Variants in STARD10 observed in about 807,000 individuals in gnomAD.
STARD10 encodes StAR related lipid transfer domain containing 10, also known as START domain-containing protein 10.
STARD10 carries 24 observed loss-of-function variants against 36.0 expected under a neutral mutation model. The ratio of observed to expected loss-of-function variants is 0.67; its 90% CI spans 0.48 to 0.94. STARD10 has a LOEUF of 0.94. Among genes scored for constraint, STARD10 ranks in the 40% least tolerant of loss-of-function variants. The pLI is 0.00. For missense variants in STARD10, 335 were observed against 396.6 expected, an observed-to-expected ratio of 0.84 and a Z score of 1.32; for synonymous variants, 156 against 161.9, an observed-to-expected ratio of 0.96 and a Z score of 0.28.
At chr11:72,776,475 C>G (rs991185856) in intron 2 of STARD10, among the ~76,000 whole-genome samples, 4 of 152,192 alleles carry the variant, frequency 2.6e-5, no homozygotes, top group Admixed American at 2.6e-4. Flanking sequence ...GCTGGGTCTC[C>G]TCTAAGGTGC....
intron 2 of STARD10, among the ~76,000 whole-genome samples, chr11:72,769,283 C>T (rs1237865617): frequency 6.6e-6 from 1 of 152,148 alleles, no homozygotes; most frequent in African/African-American, 2.4e-5. Flanking sequence ...ATGAGGTACT[C>T]ACTGCTTATG....
rs562067537 is a variant in STARD10, at chr11:72,787,302, C to T, written c.-114+5573G>A. ...TCCTCTGATCCCTGCACCTCTGAAC[C>T]CTGGGAGCTGCCCTCTGGGCCTCGC... On this transcript the variant is annotated intron_variant, in intron 1 of 6. Transcript: ENST00000334805. 6.6e-5 allele frequency among the ~76,000 whole-genome samples: 10 copies of T among 152,270 alleles called. No individual in the cohort carries two copies. The South Asian group carries it at 2.1e-3, about 32-fold the overall frequency.
At chr11:72,757,303 A>G (rs1246929712) in intron 5 of STARD10, among the ~76,000 whole-genome samples, 1 of 152,232 alleles carries the variant, frequency 6.6e-6, no homozygotes, top group Non-Finnish European at 1.5e-5. Flanking sequence ...CACTGGACAC[A>G]ACGAGGCTTA....
rs1034921246 is a variant in STARD10, at chr11:72,759,388, A to G, written c.208-7T>C. 19 of 1,614,036 alleles carry G rather than the reference A, an allele frequency of 1.2e-5. No homozygotes were observed. The highest frequency in any genetic ancestry group is 1.5e-5 in the Non-Finnish European group (18 of 1,180,028). Reference sequence around the variant, plus strand: ...CACAGCACTCCATCCGGCACTGCAGACAAGATATATGGGTTGTCAGGATCA... The same window carrying G: ...CACAGCACTCCATCCGGCACTGCAGGCAAGATATATGGGTTGTCAGGATCA... On this transcript the variant is annotated splice_polypyrimidine_tract_variant and splice_region_variant and intron_variant, in intron 2 of 6. Transcript: ENST00000334805.
At chr11:72,780,463 C>T in intron 2 of STARD10, 1 of 437,664 alleles carries the variant, frequency 2.3e-6, no homozygotes, top group Non-Finnish European at 4.6e-6. Context: ...AAGGGAGCAG[C>T]CAGGGAGGGA....
chr11:72,755,375 A>G (rs1858630365), intron 6 of STARD10: 2 of 559,132 alleles, frequency 3.6e-6, no homozygotes, highest in South Asian at 4.1e-5. Context: ...CAGTGGCATG[A>G]TATCGGCTCA....
In STARD10 at chr11:72,759,350, T is replaced by G. The variant is rs1349042123; in HGVS notation, c.239A>C (p.Glu80Ala). ...GTCGTGTAGGACGTCGTAGAGTGTC[T>G]CGGCTGGCACATCACAGCACTCCAT... ...CRMECCDVPAETLYDVLHDIE... is the reference protein window; with the variant it reads ...CRMECCDVPAATLYDVLHDIE... Residue 80 changes from glutamate (E) to alanine (A), a missense_variant, in exon 3 of 7, where the codon GAG becomes GCG. Coordinates refer to ENST00000334805, the MANE Select transcript of STARD10 (RefSeq NM_006645.3). The G allele has an allele frequency of 5.6e-6, 9 of 1,613,858 alleles. No individual in the cohort carries two copies. Among genetic ancestry groups the G allele is most frequent in the Non-Finnish European group, 7.6e-6 (9 of 1,179,966 alleles).
At chr11:72,764,201 A>C (rs1426328313) in intron 2 of STARD10, among the ~76,000 whole-genome samples, 1 of 152,194 alleles carries the variant, frequency 6.6e-6, no homozygotes, top group Non-Finnish European at 1.5e-5. Context: ...CAGTGCTCCC[A>C]GGGCCCAGCT....
At chr11:72,761,536 C>G (rs900977773) in intron 2 of STARD10, among the ~76,000 whole-genome samples, 1 of 152,118 alleles carries the variant, frequency 6.6e-6, no homozygotes, top group Admixed American at 6.6e-5. Context: ...ACGGGCAGAT[C>G]ACTTGGGGTC....
chr11:72,757,960 C>T (rs575577704), intron 4 of STARD10, 76 bp from the exon 5 acceptor site: 23 of 1,198,916 alleles, frequency 1.9e-5, no homozygotes, highest in South Asian at 7.3e-5. Flanking sequence ...TACACAAACG[C>T]GCACGCGCAC....
In STARD10 at chr11:72,781,224, C is replaced by T. The variant is rs1270671525; in HGVS notation, c.-43G>A. ...CCAGGGCCCTGGTCCTAGTCCGGCTCTCCTGGGTCCTCCGCGGAGGCTCCG... is the reference window on the plus strand; with the variant it reads ...CCAGGGCCCTGGTCCTAGTCCGGCTTTCCTGGGTCCTCCGCGGAGGCTCCG... On this transcript the variant is annotated 5_prime_UTR_variant, in exon 2 of 7. Coordinates refer to ENST00000334805, the MANE Select transcript of STARD10 (RefSeq NM_006645.3). This position sits in a 1 kb window ranked among gnomAD's most constrained non-coding sequence, Gnocchi z 4.7. 4 of 1,555,162 alleles carry T rather than the reference C, an allele frequency of 2.6e-6. No homozygotes were observed. Among genetic ancestry groups the T allele is most frequent in the Non-Finnish European group, 3.5e-6 (4 of 1,143,776 alleles).
intron 6 of STARD10, 69 bp downstream of exon 6, chr11:72,755,632 C>T: frequency 6.4e-7 from 1 of 1,571,970 alleles, no homozygotes; most frequent in African/African-American, 1.3e-5. Flanking sequence ...GGCTTGACTC[C>T]ACCCACCTCA....
At chr11:72,767,934 C>T (rs1858812964) in intron 2 of STARD10, among the ~76,000 whole-genome samples, 1 of 152,200 alleles carries the variant, frequency 6.6e-6, no homozygotes, top group South Asian at 2.1e-4. Context: ...CTCCTCCAGC[C>T]CCAGGCCCCA....
intron 2 of STARD10, among the ~76,000 whole-genome samples, chr11:72,768,112 C>T (rs1482277221): frequency 6.6e-6 from 1 of 152,212 alleles, no homozygotes; most frequent in African/African-American, 2.4e-5. Flanking sequence ...TCTCTCACAC[C>T]CCACACAGAT....
At position 72,781,810 on chromosome 11, in the gene STARD10, G is replaced by C. The variant is rs1859002984; in HGVS notation, c.-113-516C>G. On this transcript the variant is annotated intron_variant, in intron 1 of 6. Coordinates refer to ENST00000334805, the MANE Select transcript of STARD10 (RefSeq NM_006645.3). This position sits in a 1 kb window ranked among gnomAD's most constrained non-coding sequence, Gnocchi z 4.7. ...CGGCCCCGCCCCGGGCCCCAGCCCC[G>C]CGCGCCCCTCCCGGCTAGGCTGGGG... 1 of 144,872 alleles carries C rather than the reference G, an allele frequency of 6.9e-6. No individual in the cohort carries two copies. The highest frequency in any genetic ancestry group is 2.2e-4 in the South Asian group (1 of 4,584). The allele number at this position is 144,872 out of a possible 1,614,324, so 9.0% of individuals were successfully genotyped here. A position where few individuals can be genotyped will look rare whatever the true frequency, so the allele number is the denominator to read the frequency against.
chr11:72,778,338 C>T (rs1858952516), intron 2 of STARD10, among the ~76,000 whole-genome samples: 1 of 152,210 alleles, frequency 6.6e-6, no homozygotes, highest in African/African-American at 2.4e-5. Flanking sequence ...ACTACACTGC[C>T]CCAGACTAGC....
At position 72,754,752 on chromosome 11, in the gene STARD10, G is replaced by A; in HGVS notation, c.*145C>T. 1 of 1,252,760 alleles carries A rather than the reference G, an allele frequency of 8.0e-7. No individual in the cohort carries two copies. The highest frequency in any genetic ancestry group is 1.5e-5 in the African/African-American group (1 of 66,870). 77.6% of individuals were successfully genotyped at this position (1,252,760 alleles called of 1,614,324 possible). A position where few individuals can be genotyped will look rare whatever the true frequency, so the allele number is the denominator to read the frequency against. On this transcript the variant is annotated 3_prime_UTR_variant, in exon 7 of 7. Transcript: ENST00000334805. ...GCTGAGGCTGTGGGATCGTTTATTG[G>A]GGCTCTGTCCAGCCAGGCTGCAGCA... is the stretch of plus-strand genomic sequence containing the variant.
rs1290584435 is a variant in STARD10 at position 72,780,442 on chromosome 11, T to TG, written c.207+532dup. 6.7e-6 allele frequency: 3 copies of TG among 450,996 alleles called. No homozygotes were observed. In the Admixed American group the frequency reaches 7.1e-5, roughly 11 times the overall value. The allele number at this position is 450,996 out of a possible 1,614,324, so 27.9% of individuals were successfully genotyped here. On this transcript the variant is annotated intron_variant, in intron 2 of 6. Transcript: ENST00000334805. ...TCTGCCAGCCACAATCCTGAGTCCC[T>TG]GCAGGAGGCTAAGGGAGCAGCCAGG...
chr11:72,756,042 GACCC>G (rs776107565), intron 5 of STARD10: 16 of 269,772 alleles, frequency 5.9e-5, no homozygotes, highest in Non-Finnish European at 1.0e-4. Context: ...TGGAAACTCT[GACCC>G]ACCCTGCTGC....
Sources: allele counts gnomAD v4.1 joint callset (sites outside exome capture counted in the v4.1 genomes callset), GRCh38; gene constraint gnomAD v4.1.1; non-coding constraint Gnocchi (gnomAD v3.1); transcripts MANE v1.5; gene names NCBI Gene and HGNC (gene_info 2026-07-23, HGNC 2026-07-21).